Variants in STRADA observed in about 807,000 individuals in gnomAD.
STRADA encodes the protein STE20 related adaptor alpha, also known as STE20-related kinase adapter protein alpha.
A neutral mutation model predicts 55.0 loss-of-function variants in STRADA; 26 were observed. That is an observed-to-expected ratio of 0.47 (90% CI 0.35 to 0.66). The LOEUF (loss-of-function observed/expected upper bound fraction) is 0.66, where lower values mean the gene tolerates loss of function less well. Ranked by LOEUF, STRADA falls within the 30% of genes least tolerant of loss-of-function variation. The pLI is 0.01. For missense variants in STRADA, 443 were observed against 549.7 expected, an observed-to-expected ratio of 0.81 and a Z score of 1.94; for synonymous variants, 197 against 210.9, an observed-to-expected ratio of 0.93 and a Z score of 0.57.
At chr17:63,704,179 T>G in intron 11 of STRADA, 132 bp from the exon 12 acceptor site, 1 of 1,519,042 alleles carries the variant, frequency 6.6e-7, no homozygotes, top group Non-Finnish European at 8.8e-7. Flanking sequence ...TGGCCAGAGC[T>G]CCCCAGGCTG....
intron 1 of STRADA, among the ~76,000 whole-genome samples, chr17:63,730,628 C>CAA (rs2037972601): frequency 6.6e-6 from 1 of 152,090 alleles, no homozygotes; most frequent in African/African-American, 2.4e-5. Context: ...GCGATCCTGG[C>CAA]TCACTGCAAC....
At chr17:63,734,528 C>T (rs1285263612) in intron 1 of STRADA, among the ~76,000 whole-genome samples, 5 of 152,050 alleles carry the variant, frequency 3.3e-5, no homozygotes, top group African/African-American at 1.2e-4. Context: ...CCTGTAATTG[C>T]AGCTACTTGG....
chr17:63,729,297 A>T (rs1327842571), intron 1 of STRADA, among the ~76,000 whole-genome samples: 5 of 152,218 alleles, frequency 3.3e-5, no homozygotes, highest in African/African-American at 1.2e-4. Flanking sequence ...CTCATAGACA[A>T]TGTACCCAGA....
At chr17:63,719,966 A>G (rs1423146376) in intron 4 of STRADA, among the ~76,000 whole-genome samples, 1 of 152,152 alleles carries the variant, frequency 6.6e-6, no homozygotes, top group Non-Finnish European at 1.5e-5. Context: ...ACTCTCCAGT[A>G]TTACAGAAAA....
At chr17:63,726,789 T>C (rs2037693406) in intron 2 of STRADA, 94 bp from the exon 3 acceptor site, 2 of 1,277,012 alleles carry the variant, frequency 1.6e-6, no homozygotes, top group Admixed American at 3.6e-5. Flanking sequence ...ATCCCAACTA[T>C]GAAAACAGAA....
chr17:63,734,749 T>A (rs2038295803), intron 1 of STRADA, among the ~76,000 whole-genome samples: 1 of 152,250 alleles, frequency 6.6e-6, no homozygotes, highest in Non-Finnish European at 1.5e-5. Flanking sequence ...CACATGTGTA[T>A]TTCAGTCCTA....
chr17:63,736,184 G>A (rs2038410423), intron 1 of STRADA, among the ~76,000 whole-genome samples: 2 of 151,890 alleles, frequency 1.3e-5, no homozygotes, highest in South Asian at 2.1e-4. Context: ...TGATCCACCC[G>A]CCTCAGCCTC....
At chr17:63,730,986 G>A (rs1301746582) in intron 1 of STRADA, among the ~76,000 whole-genome samples, 1 of 150,648 alleles carries the variant, frequency 6.6e-6, no homozygotes, top group Non-Finnish European at 1.5e-5. Context: ...TCGCTCTGTT[G>A]CCAGGCTGGA....
At chr17:63,731,750 C>T (rs1306763953) in intron 1 of STRADA, among the ~76,000 whole-genome samples, 5 of 152,116 alleles carry the variant, frequency 3.3e-5, no homozygotes, top group Non-Finnish European at 7.4e-5. Flanking sequence ...CTCATGTAGT[C>T]TACAATAGAA....
chr17:63,709,854 C>T (rs2036369334), intron 8 of STRADA, among the ~76,000 whole-genome samples: 1 of 152,084 alleles, frequency 6.6e-6, no homozygotes, highest in Non-Finnish European at 1.5e-5. Flanking sequence ...AAGACTGACT[C>T]TGGGGCACAG....
chr17:63,729,407 C>G (rs1250952580), intron 1 of STRADA, among the ~76,000 whole-genome samples: 4 of 152,138 alleles, frequency 2.6e-5, no homozygotes, highest in Non-Finnish European at 2.9e-5. Flanking sequence ...CAACATAGCT[C>G]TGGCATAATT....
chr17:63,720,771 TAA>T (rs777238779), intron 4 of STRADA, among the ~76,000 whole-genome samples: 8 of 108,884 alleles, frequency 7.3e-5, no homozygotes, highest in Admixed American at 2.9e-4. Context: ...CGAGACTGTT[TAA>T]AAAAAAAAAA....
At chr17:63,740,192 A>C (rs2038840259) in intron 1 of STRADA, among the ~76,000 whole-genome samples, 1 of 145,050 alleles carries the variant, frequency 6.9e-6, no homozygotes, top group Non-Finnish European at 1.5e-5. Flanking sequence ...ACAACAAAGC[A>C]ATATTACTAG....
In STRADA at chr17:63,710,745, G is replaced by A; in HGVS notation, c.440C>T (p.Thr147Ile). The change falls in exon 7 of 13, where the codon ACA (threonine) becomes ATA (isoleucine). Residue 147 changes from threonine to isoleucine, a missense_variant. Physicochemically the swap from Thr to Ile is moderately conservative, Grantham distance 89 (BLOSUM62 -1). Coordinates refer to ENST00000336174, the MANE Select transcript of STRADA (RefSeq NM_001003787.4). Reference sequence around the variant, plus strand: ...CCACTCACCGTATGCCATGAATGATGTGACAACCCACAGCTCATTGTCTGC... The same window carrying A: ...CCACTCACCGTATGCCATGAATGATATGACAACCCACAGCTCATTGTCTGC... The part of the protein sequence containing the change: ...FIADNELWVV[T>I]SFMAYGSAKD... 6.2e-7 allele frequency: 1 copy of A among 1,614,190 alleles called. No homozygotes were observed. Among genetic ancestry groups the A allele is most frequent in the Non-Finnish European group, 8.5e-7 (1 of 1,180,026 alleles).
intron 1 of STRADA, among the ~76,000 whole-genome samples, chr17:63,730,454 G>A (rs1253441922): frequency 1.3e-5 from 2 of 149,778 alleles, no homozygotes; most frequent in Non-Finnish European, 3.0e-5. Context: ...GGAGTGCAGT[G>A]ATGTGATCTC....
chr17:63,740,125 T>TATAC lies in STRADA; in HGVS notation c.-45+1612_-45+1615dup, dbSNP rs1568233976. 1.3e-4 allele frequency among the ~76,000 whole-genome samples: 10 copies of TATAC among 77,022 alleles called. 1 individual carries two copies. Among genetic ancestry groups the TATAC allele is most frequent in the African/African-American group, 5.4e-4 (8 of 14,800 alleles). 50.5% of individuals were successfully genotyped at this position (77,022 alleles called of 152,430 possible). On this transcript the variant is annotated intron_variant, in intron 1 of 12. Coordinates refer to ENST00000336174, the MANE Select transcript of STRADA (RefSeq NM_001003787.4). ...ATATATATACATACATACATATATA[T>TATAC]ATACACATACATATATATATATACA...
At chr17:63,741,038 A>G (rs1439623686) in intron 1 of STRADA, 1 of 152,176 alleles carries the variant, frequency 6.6e-6, no homozygotes, top group Non-Finnish European at 1.5e-5. Flanking sequence ...AGATATTACA[A>G]TAAGAAAAGG....
chr17:63,729,278 C>G (rs1052469433), intron 1 of STRADA, among the ~76,000 whole-genome samples: 5 of 152,118 alleles, frequency 3.3e-5, no homozygotes. Flanking sequence ...CCTTGCAGAG[C>G]AGGGCTAACT....
At chr17:63,713,651 C>T (rs1217204200) in intron 5 of STRADA, 124 bp from the exon 6 acceptor site, 7 of 980,210 alleles carry the variant, frequency 7.1e-6, no homozygotes, top group Non-Finnish European at 8.6e-6. Context: ...ACTACTGTTA[C>T]TTTTTTTTTT....
Sources: gnomAD v4.1 joint callset for allele counts (sites outside exome capture counted in the v4.1 genomes callset) on GRCh38, gnomAD v4.1.1 for gene constraint, MANE v1.5 for transcripts, NCBI Gene and HGNC (gene_info 2026-07-23, HGNC 2026-07-21) for gene names.